The following MPPED2 variants were observed in gnomAD, a reference collection of about 807,000 sequenced individuals.
MPPED2 encodes the protein metallophosphoesterase MPPED2.
In MPPED2, 5 loss-of-function variants were observed where a neutral mutation model predicts 33.0. The observed-to-expected ratio is 0.15, with a 90% CI of 0.08 to 0.32. The LOEUF (loss-of-function observed/expected upper bound fraction) is 0.32. Ranked by LOEUF, MPPED2 falls within the 10% of genes least tolerant of loss-of-function variation. MPPED2 has a pLI of 1.00. For missense variants in MPPED2, 275 were observed against 372.1 expected, an observed-to-expected ratio of 0.74 and a Z score of 2.15; for synonymous variants, 136 against 141.9, an observed-to-expected ratio of 0.96 and a Z score of 0.29.
chr11:30,417,411 C>CT lies in MPPED2; in HGVS notation c.652+106dup, dbSNP rs11354702. 3,161 of 434,212 alleles carry CT rather than the reference C, an allele frequency of 7.3e-3. 1 individual carries two copies. Among genetic ancestry groups the CT allele is most frequent in the South Asian group, 0.013 (331 of 24,708 alleles). 26.9% of individuals were successfully genotyped at this position (434,212 alleles called of 1,614,324 possible). ...ACATTGACTTTTCTTCTCGTATTCA[C>CT]TTTTTTTTTTTTTTTGGAGGAAAAT... is the stretch of plus-strand genomic sequence containing the variant. On this transcript the variant is annotated intron_variant, in intron 5 of 6. Transcript: ENST00000358117.
intron 4 of MPPED2, among the ~76,000 whole-genome samples, chr11:30,435,828 G>T (rs1949299166): frequency 6.6e-6 from 1 of 152,104 alleles, no homozygotes; most frequent in South Asian, 2.1e-4. Context: ...GCTGGGATTT[G>T]GTCTCAGGTC....
intron 4 of MPPED2, among the ~76,000 whole-genome samples, chr11:30,455,745 C>T (rs1272569109): frequency 6.6e-6 from 1 of 152,208 alleles, no homozygotes; most frequent in Admixed American, 6.5e-5. Context: ...CTTTCCAGAT[C>T]AGCTTGGCTT....
At chr11:30,473,874 C>T (rs1365092471) in intron 4 of MPPED2, among the ~76,000 whole-genome samples, 1 of 152,150 alleles carries the variant, frequency 6.6e-6, no homozygotes, top group Non-Finnish European at 1.5e-5. Flanking sequence ...GTCCAACAAC[C>T]TGTGAGCAAC....
chr11:30,477,595 T>G (rs1951276784), intron 4 of MPPED2, among the ~76,000 whole-genome samples: 1 of 152,108 alleles, frequency 6.6e-6, no homozygotes. Context: ...CCTTTCTATA[T>G]GTTGTTGGAT....
chr11:30,516,089 C>G (rs1953517463), intron 3 of MPPED2, among the ~76,000 whole-genome samples: 1 of 152,142 alleles, frequency 6.6e-6, no homozygotes, highest in Non-Finnish European at 1.5e-5. Flanking sequence ...ATCATAACAT[C>G]TTTCCCACTG....
intron 3 of MPPED2, among the ~76,000 whole-genome samples, chr11:30,532,305 G>A (rs1441466478): frequency 6.6e-6 from 1 of 152,180 alleles, no homozygotes; most frequent in East Asian, 1.9e-4. Flanking sequence ...AGATTAGGAG[G>A]TAGGACTCCA....
intron 6 of MPPED2, among the ~76,000 whole-genome samples, chr11:30,401,331 C>T (rs928688336): frequency 3.9e-5 from 6 of 152,194 alleles, no homozygotes; most frequent in African/African-American, 1.2e-4. Flanking sequence ...TTTGGCCTAA[C>T]TCTGGACTGA....
chr11:30,475,834 T>C (rs1951168860), intron 4 of MPPED2, among the ~76,000 whole-genome samples: 1 of 152,082 alleles, frequency 6.6e-6, no homozygotes, highest in East Asian at 1.9e-4. Flanking sequence ...TGCCAAAAAG[T>C]TTTCCAAAGA....
At chr11:30,392,477 A>G (rs1423641744) in intron 6 of MPPED2, among the ~76,000 whole-genome samples, 1 of 152,254 alleles carries the variant, frequency 6.6e-6, no homozygotes, top group Non-Finnish European at 1.5e-5. Flanking sequence ...AAAATAAGCC[A>G]GGGCTTAAAA....
intron 4 of MPPED2, among the ~76,000 whole-genome samples, chr11:30,467,343 C>T (rs2045444428): frequency 6.6e-6 from 1 of 152,100 alleles, no homozygotes; most frequent in African/African-American, 2.4e-5. Context: ...GCTGGAATTC[C>T]TGGCAAGGGG....
At chr11:30,492,852 G>A (rs1952043976) in intron 4 of MPPED2, among the ~76,000 whole-genome samples, 1 of 152,090 alleles carries the variant, frequency 6.6e-6, no homozygotes, top group South Asian at 2.1e-4. Context: ...ATTATCTGTG[G>A]CGATTCTTGA....
chr11:30,554,131 G>A (rs1955852865), intron 2 of MPPED2, among the ~76,000 whole-genome samples: 1 of 152,104 alleles, frequency 6.6e-6, no homozygotes, highest in Admixed American at 6.6e-5. Flanking sequence ...CTGGTTCTCC[G>A]CCCTCATGTC....
chr11:30,495,388 G>T lies in MPPED2; in HGVS notation c.444C>A (p.Asp148Glu). The part of the protein sequence containing the change: ...FPSVSKLKPE[D>E]FDNVQSLLTN... ...TCAGGAGGGACTGAACATTGTCAAA[G>T]TCCTCTGGTTTCAATTTGGACACAG... Residue 148 changes from aspartate (D) to glutamate (E), a missense_variant, in exon 4 of 7, where the codon GAC becomes GAA. Asp to Glu is a conservative substitution (Grantham distance 45). Coordinates refer to ENST00000358117, the MANE Select transcript of MPPED2 (RefSeq NM_001584.3). 1 of 1,614,096 alleles carries T rather than the reference G, an allele frequency of 6.2e-7. No individual in the cohort carries two copies. Among genetic ancestry groups the T allele is most frequent in the African/African-American group, 1.3e-5 (1 of 75,044 alleles).
At chr11:30,475,126 A>G (rs1214264917) in intron 4 of MPPED2, among the ~76,000 whole-genome samples, 3 of 152,150 alleles carry the variant, frequency 2.0e-5, no homozygotes, top group African/African-American at 4.8e-5. Context: ...ATTTATTTTC[A>G]TCTTTTTTCT....
At chr11:30,453,202 T>G (rs544503227) in intron 4 of MPPED2, among the ~76,000 whole-genome samples, 1 of 152,052 alleles carries the variant, frequency 6.6e-6, no homozygotes, top group South Asian at 2.1e-4. Context: ...GAGTTCGGGG[T>G]TCAAGCCTAA....
intron 4 of MPPED2, among the ~76,000 whole-genome samples, chr11:30,447,720 G>A (rs1415384794): frequency 6.6e-6 from 1 of 152,188 alleles, no homozygotes; most frequent in Non-Finnish European, 1.5e-5. Context: ...AGTAAGAAAG[G>A]CCGAGTGTGG....
chr11:30,446,183 C>G (rs376310037), intron 4 of MPPED2, among the ~76,000 whole-genome samples: 1 of 152,204 alleles, frequency 6.6e-6, no homozygotes, highest in African/African-American at 2.4e-5. Flanking sequence ...TCCTTCCAGG[C>G]CCTGGGAATT....
At chr11:30,586,483 G>C (rs936149381), upstream of MPPED2, among the ~76,000 whole-genome samples, 1 of 152,044 alleles carries the variant, frequency 6.6e-6, no homozygotes, top group Non-Finnish European at 1.5e-5. The surrounding 1 kb of genome is among the most constrained non-coding windows in gnomAD (Gnocchi z 4.8). Flanking sequence ...CTGCCCACTC[G>C]GACCCCCACC....
chr11:30,421,132 A>G (rs915651285), intron 4 of MPPED2, among the ~76,000 whole-genome samples: 3 of 152,214 alleles, frequency 2.0e-5, no homozygotes, highest in African/African-American at 7.2e-5. Flanking sequence ...TTTTGCTGTC[A>G]GCGAGGATAG....
Sources: gnomAD v4.1 joint callset for allele counts (sites outside exome capture counted in the v4.1 genomes callset) on GRCh38, gnomAD v4.1.1 for gene constraint, Gnocchi (gnomAD v3.1) non-coding constraint, MANE v1.5 for transcripts, NCBI Gene and HGNC (gene_info 2026-07-23, HGNC 2026-07-21) for gene names.